Variants in SSBP4 observed in about 807,000 individuals in gnomAD.
SSBP4 encodes single stranded DNA binding protein 4, also known as single-stranded DNA-binding protein 4.
A neutral mutation model predicts 64.6 loss-of-function variants in SSBP4; 33 were observed. That is an observed-to-expected ratio of 0.51 (90% CI 0.39 to 0.68). SSBP4 has a LOEUF of 0.68. SSBP4 is among the 30% of genes least tolerant of loss of function. SSBP4 has a pLI of 0.00. For missense variants in SSBP4, 583 were observed against 566.8 expected (o/e 1.03, Z -0.29); for synonymous variants, 243 against 224.0 (o/e 1.08, Z -0.76).
chr19:18,418,037 C>A (rs1212981339), upstream of SSBP4, among the ~76,000 whole-genome samples: 1 of 152,110 alleles, frequency 6.6e-6, no homozygotes, highest in Non-Finnish European at 1.5e-5. The surrounding 1 kb of genome is among the most constrained non-coding windows in gnomAD (Gnocchi z 6.7). Flanking sequence ...GCGGCCCACC[C>A]ACGCGCGGAG....
Position 18,431,884 on chromosome 19 carries a change from C to T in SSBP4, c.565+22C>T, listed in dbSNP as rs202024043. 1.5e-3 allele frequency: 2,291 copies of T among 1,566,840 alleles called. 28 individuals carry two copies. The African/African-American group carries it at 0.026, about 18-fold the overall frequency. On this transcript the variant is annotated intron_variant, in intron 8 of 17. Coordinates refer to ENST00000270061, the MANE Select transcript of SSBP4 (RefSeq NM_032627.5). ...CAGGGTGAGTAGGGAAGCTCCAGCC[C>T]CTATCCCGCCATCAATCAGAATTCC...
chr19:18,413,674 G>A, the SSBP4 span, among the ~76,000 whole-genome samples: 1 of 152,208 alleles, frequency 6.6e-6, no homozygotes, highest in Admixed American at 6.5e-5. Context: ...GGGAAATGAA[G>A]CTCAGTCCTG....
intron 15 of SSBP4, 34 bp from the exon 16 acceptor site, chr19:18,433,551 C>G (rs1243647853): frequency 2.6e-6 from 4 of 1,546,422 alleles, no homozygotes; most frequent in Non-Finnish European, 3.5e-6. Flanking sequence ...GCCAGCACGT[C>G]TGAGCCGGTG....
rs1448769201 is a variant in SSBP4, at chr19:18,431,392, G to A, written c.409G>A (p.Ala137Thr). The A allele has an allele frequency of 4.7e-6, 6 of 1,269,216 alleles. No homozygotes were observed. Among genetic ancestry groups the A allele is most frequent in the East Asian group, 3.7e-5 (1 of 27,036 alleles). 78.6% of individuals were successfully genotyped at this position (1,269,216 alleles called of 1,614,324 possible). A position where few individuals can be genotyped will look rare whatever the true frequency, so the allele number is the denominator to read the frequency against. ...GSQPSPHNPNAPMMGPHGQPF... is the reference protein window; with the variant it reads ...GSQPSPHNPNTPMMGPHGQPF... ...CCAGCCGTCCCCCCACAACCCCAAC[G>A]CCCCCATGATGGGGCCTCACGGTCA... The change falls in exon 6 of 18, where the codon GCC (alanine) becomes ACC (threonine). Residue 137 changes from alanine (A) to threonine (T), a missense_variant. Ala to Thr is a moderately conservative substitution (Grantham distance 58, BLOSUM62 0). Coordinates refer to ENST00000270061, the MANE Select transcript of SSBP4 (RefSeq NM_032627.5).
At position 18,426,605 on chromosome 19, in the gene SSBP4, C is replaced by T. The variant is rs1972874278; in HGVS notation, c.60-746C>T. Among the ~76,000 whole-genome samples, 1 of 152,280 alleles carries T rather than the reference C, an allele frequency of 6.6e-6. No homozygotes were observed. On this transcript the variant is annotated intron_variant, in intron 1 of 17. Transcript: ENST00000270061. This position sits in a 1 kb window ranked among gnomAD's most constrained non-coding sequence, Gnocchi z 4.5. ...CCTGCAGAGGGCCGTGCTGGAGCCA[C>T]CTGGCTGGGCGAGGGTGACTCAGGT...
At chr19:18,404,767 C>T in the SSBP4 span, among the ~76,000 whole-genome samples, 1 of 150,644 alleles carries the variant, frequency 6.6e-6, no homozygotes, top group Admixed American at 6.7e-5. Context: ...TGGTGGGTGT[C>T]TGTAGTCCCA....
chr19:18,431,465 C>G, intron 6 of SSBP4, 47 bp downstream of exon 6: 1 of 1,085,544 alleles, frequency 9.2e-7, no homozygotes, highest in Non-Finnish European at 1.3e-6. Context: ...ATCCCCTCCC[C>G]CAGCGCCGCC....
At chr19:18,416,046 C>T (rs566242887), upstream of SSBP4, among the ~76,000 whole-genome samples, 1 of 152,254 alleles carries the variant, frequency 6.6e-6, no homozygotes, top group Admixed American at 6.5e-5. Context: ...TATTTTGAGA[C>T]GGAGTCTCAC....
chr19:18,427,290 G>A lies in SSBP4; in HGVS notation c.60-61G>A. ...ACCCGCCCTCCTGAGAGATGGAGGG[G>A]CTTTGGGGTGGGCCCTTGCCTTGGA... On this transcript the variant is annotated intron_variant, in intron 1 of 17. Coordinates refer to ENST00000270061, the MANE Select transcript of SSBP4 (RefSeq NM_032627.5). The surrounding 1 kb of genome is among the most constrained non-coding windows in gnomAD (Gnocchi z 4.4). 6.4e-7 allele frequency: 1 copy of A among 1,572,810 alleles called. No homozygotes were observed. Among genetic ancestry groups the A allele is most frequent in the Non-Finnish European group, 8.6e-7 (1 of 1,156,694 alleles).
chr19:18,403,196 C>T, the SSBP4 span, among the ~76,000 whole-genome samples: 1 of 152,200 alleles, frequency 6.6e-6, no homozygotes, highest in African/African-American at 2.4e-5. Flanking sequence ...GATTCCTTTG[C>T]TCACATGTTT....
At chr19:18,418,433 G>A (rs1972217519), upstream of SSBP4, among the ~76,000 whole-genome samples, 1 of 152,198 alleles carries the variant, frequency 6.6e-6, no homozygotes. This position sits in a 1 kb window ranked among gnomAD's most constrained non-coding sequence, Gnocchi z 6.7. Flanking sequence ...CTGGTGGGGG[G>A]ATGAAGGGCC....
chr19:18,404,331 C>T, the SSBP4 span, among the ~76,000 whole-genome samples: 2 of 152,010 alleles, frequency 1.3e-5, no homozygotes, highest in Non-Finnish European at 2.9e-5. Context: ...TGGTGGCTGA[C>T]GCCTGTAATC....
chr19:18,410,992 C>T, the SSBP4 span, among the ~76,000 whole-genome samples: 4 of 151,954 alleles, frequency 2.6e-5, no homozygotes, highest in African/African-American at 7.3e-5. Context: ...ATACAAATTT[C>T]GGCCGGGCGC....
chr19:18,432,348 G>A, intron 10 of SSBP4, 134 bp downstream of exon 10: 2 of 1,344,064 alleles, frequency 1.5e-6, no homozygotes, highest in South Asian at 1.4e-5. Context: ...CCGTTGAGGG[G>A]AAACTGAGAC....
At chr19:18,417,096 C>T (rs918748620), upstream of SSBP4, among the ~76,000 whole-genome samples, 1 of 152,202 alleles carries the variant, frequency 6.6e-6, no homozygotes, top group Non-Finnish European at 1.5e-5. This position sits in a 1 kb window ranked among gnomAD's most constrained non-coding sequence, Gnocchi z 5.4. Flanking sequence ...CGCCTCCGCC[C>T]TCCCCCGGGA....
chr19:18,430,351 T>G (rs1050200386), intron 4 of SSBP4, among the ~76,000 whole-genome samples: 4 of 152,038 alleles, frequency 2.6e-5, no homozygotes, highest in Non-Finnish European at 5.9e-5. Flanking sequence ...TCCAGCACCC[T>G]GTCTTGTCGC....
At chr19:18,414,662 C>A (rs1262314127), upstream of SSBP4, among the ~76,000 whole-genome samples, 1 of 152,184 alleles carries the variant, frequency 6.6e-6, no homozygotes, top group African/African-American at 2.4e-5. Flanking sequence ...GCTAGAAGCA[C>A]AGAAGTGTAC....
the SSBP4 span, among the ~76,000 whole-genome samples, chr19:18,404,988 C>T: frequency 2.1e-5 from 3 of 145,452 alleles, no homozygotes; most frequent in Non-Finnish European, 3.0e-5. Context: ...CCCAGAGGCC[C>T]CCCCCCCCGC....
rs1973307681 is a variant in SSBP4 at position 18,430,884 on chromosome 19, C to T, written c.323C>T (p.Pro108Leu). 1.2e-6 allele frequency: 2 copies of T among 1,613,254 alleles called. No homozygotes were observed. Among genetic ancestry groups the T allele is most frequent in the African/African-American group, 2.7e-5 (2 of 74,928 alleles). Residue 108 changes from proline to leucine, a missense_variant, in exon 5 of 18, where the codon CCA becomes CTA. By Grantham distance (98) the Pro-to-Leu change is moderately conservative. Transcript: ENST00000270061. ...APSPVMGSMA[P>L]GDTMAAGSMA... The stretch of plus-strand genomic sequence containing the variant: ...AGCCCCGTTATGGGGAGTATGGCCC[C>T]AGGTGACACAATGGCCGCAGGCTCC...
Sources: gnomAD v4.1 joint callset for allele counts (sites outside exome capture counted in the v4.1 genomes callset) on GRCh38, gnomAD v4.1.1 for gene constraint, Gnocchi (gnomAD v3.1) non-coding constraint, MANE v1.5 for transcripts, NCBI Gene and HGNC (gene_info 2026-07-23, HGNC 2026-07-21) for gene names.